The following VMA12 variants were observed in gnomAD, a reference collection of about 807,000 sequenced individuals.
The protein encoded by VMA12 is vacuolar ATPase assembly protein VMA12.
chr17:28,363,243 G>A, the VMA12 span: 1 of 152,232 alleles, frequency 6.6e-6, no homozygotes, highest in African/African-American at 2.4e-5. Flanking sequence ...TCCAGAGGTG[G>A]AGGTGACTGG....
At chr17:28,357,827 C>T in the VMA12 span, 1 of 1,614,114 alleles carries the variant, frequency 6.2e-7, no homozygotes, top group African/African-American at 1.3e-5. Context: ...TGGCCCCCAA[C>T]GCTTGGTTTC....
the VMA12 span, chr17:28,358,202 T>G: frequency 7.3e-6 from 3 of 410,630 alleles, no homozygotes; most frequent in East Asian, 5.6e-5. Context: ...TTCTCCACTT[T>G]AGGAATCAGC....
the VMA12 span, chr17:28,360,430 A>T: frequency 9.3e-7 from 1 of 1,075,664 alleles, no homozygotes; most frequent in Non-Finnish European, 1.4e-6. Flanking sequence ...GGGAGGGCAG[A>T]GTTAATATGT....
At chr17:28,361,641 G>A in the VMA12 span, 92,698 of 170,260 alleles carry the variant, frequency 0.54, 25,759 homozygotes, top group East Asian at 0.72. Context: ...TGTACAAACT[G>A]ATCACCAGCT....
chr17:28,361,367 G>A, the VMA12 span: 1 of 931,460 alleles, frequency 1.1e-6, no homozygotes, highest in Non-Finnish European at 1.7e-6. Context: ...TTAGTCAGAA[G>A]ACCAGCCCAG....
the VMA12 span, chr17:28,359,129 TC>T: frequency 1.1e-6 from 1 of 930,648 alleles, no homozygotes; most frequent in Middle Eastern, 3.3e-4. Flanking sequence ...GATATTGTCC[TC>T]CCCATCAGCT....
chr17:28,360,477 A>T, the VMA12 span: 3 of 1,556,278 alleles, frequency 1.9e-6, no homozygotes, highest in Middle Eastern at 1.7e-4. Context: ...CTGTCAATGG[A>T]TGCTCTCTGA....
the VMA12 span, chr17:28,359,365 T>C: frequency 1.9e-6 from 3 of 1,613,934 alleles, no homozygotes; most frequent in Non-Finnish European, 2.5e-6. Context: ...AGCTGGCCAA[T>C]GAGGAATATA....
the VMA12 span, chr17:28,360,784 G>A: frequency 2.8e-5 from 45 of 1,614,010 alleles, no homozygotes; most frequent in Non-Finnish European, 3.5e-5. Flanking sequence ...TCATTGTCAC[G>A]GTGGTTGCTG....
the VMA12 span, chr17:28,358,373 GCT>G: frequency 2.1e-6 from 1 of 472,104 alleles, no homozygotes; most frequent in South Asian, 1.5e-5. Context: ...TCCAGTCCTA[GCT>G]CTGTCACTAA....
At chr17:28,357,651 G>T in the VMA12 span, 1 of 1,610,156 alleles carries the variant, frequency 6.2e-7, no homozygotes, top group South Asian at 1.1e-5. Flanking sequence ...GGGGTCACCT[G>T]ACCGGAGAGC....
At chr17:28,359,150 A>T in the VMA12 span, 5 of 965,428 alleles carry the variant, frequency 5.2e-6, no homozygotes, top group South Asian at 8.8e-5. Context: ...TGTTTGGAAA[A>T]TTGAGATCAA....
the VMA12 span, chr17:28,358,479 A>C: frequency 2.1e-6 from 1 of 472,748 alleles, no homozygotes. Flanking sequence ...GTATTTTGCC[A>C]GAAGTAACAT....
the VMA12 span, chr17:28,360,566 A>G: frequency 3.1e-6 from 5 of 1,614,216 alleles, no homozygotes; most frequent in Non-Finnish European, 4.2e-6. Context: ...GACCTGGGAA[A>G]GCAAGGTGAG....
chr17:28,358,903 C>G, the VMA12 span: 2 of 1,604,398 alleles, frequency 1.2e-6, no homozygotes, highest in Non-Finnish European at 1.7e-6. Flanking sequence ...TTTGTGAAAC[C>G]TTTTCTTCTC....
the VMA12 span, chr17:28,360,915 T>C: frequency 7.4e-7 from 1 of 1,348,814 alleles, no homozygotes; most frequent in South Asian, 1.2e-5. Flanking sequence ...AGGACGTATG[T>C]GAAAGTGCCT....
At chr17:28,361,613 G>C in the VMA12 span, 1 of 234,848 alleles carries the variant, frequency 4.3e-6, no homozygotes, top group Non-Finnish European at 8.5e-6. Context: ...AGACCATACT[G>C]CCTTGAACTT....
chr17:28,361,079 C>A, the VMA12 span: 1 of 1,420,148 alleles, frequency 7.0e-7, no homozygotes, highest in South Asian at 1.2e-5. Flanking sequence ...GGGGGGCTCT[C>A]CATCCTCATT....
At chr17:28,358,962 T>A in the VMA12 span, 1 of 1,612,836 alleles carries the variant, frequency 6.2e-7, no homozygotes, top group South Asian at 1.1e-5. Flanking sequence ...GTGAAATCTA[T>A]CTCCCAGAGG....
Sources: gnomAD v4.1 joint callset for allele counts on GRCh38, gnomAD v4.1.1 for gene constraint, MANE v1.5 for transcripts, NCBI Gene and HGNC (gene_info 2026-07-23, HGNC 2026-07-21) for gene names.